The following NEK7 variants were observed in gnomAD, a reference collection of about 807,000 sequenced individuals.
The protein encoded by NEK7 is NIMA related kinase 7.
NEK7 carries 18 observed loss-of-function variants against 44.6 expected under a neutral mutation model. The ratio of observed to expected loss-of-function variants is 0.40; its 90% CI spans 0.28 to 0.60. The LOEUF (loss-of-function observed/expected upper bound fraction) is 0.60. Ranked by LOEUF, NEK7 falls within the 20% of genes least tolerant of loss-of-function variation. NEK7 has a pLI of 0.38. For missense variants in NEK7, 256 were observed against 366.5 expected, an observed-to-expected ratio of 0.70 and a Z score of 2.46; for synonymous variants, 130 against 121.1, an observed-to-expected ratio of 1.07 and a Z score of -0.48.
intron 9 of NEK7, among the ~76,000 whole-genome samples, chr1:198,315,396 C>T (rs993415397): frequency 1.3e-5 from 2 of 152,234 alleles, no homozygotes; most frequent in African/African-American, 2.4e-5. Context: ...CACCCGTCTT[C>T]TGCGTCGCTT....
chr1:198,244,006 G>T (rs1666762803), intron 2 of NEK7, among the ~76,000 whole-genome samples: 1 of 151,926 alleles, frequency 6.6e-6, no homozygotes, highest in Non-Finnish European at 1.5e-5. Context: ...TTGTAGGTGG[G>T]TAACACCTTT....
At chr1:198,289,225 A>G (rs919951025) in intron 7 of NEK7, among the ~76,000 whole-genome samples, 1 of 152,082 alleles carries the variant, frequency 6.6e-6, no homozygotes, top group East Asian at 1.9e-4. Flanking sequence ...CCAGCAAGGA[A>G]TATTCAAAGC....
At chr1:198,226,535 A>G (rs1666230846) in intron 1 of NEK7, among the ~76,000 whole-genome samples, 1 of 151,062 alleles carries the variant, frequency 6.6e-6, no homozygotes, top group African/African-American at 2.4e-5. Flanking sequence ...ACACAGCGAT[A>G]TTGCGTCTCA....
At chr1:198,206,415 G>A (rs1276203533) in intron 1 of NEK7, among the ~76,000 whole-genome samples, 1 of 152,084 alleles carries the variant, frequency 6.6e-6, no homozygotes, top group Admixed American at 6.6e-5. Flanking sequence ...AACTGTTAAC[G>A]TATCAATATG....
intron 1 of NEK7, chr1:198,207,221 G>C (rs188804603): frequency 5.9e-5 from 9 of 152,050 alleles, no homozygotes; most frequent in Admixed American, 1.3e-4. Context: ...AGACCACAAA[G>C]AAGGTATGTG....
At chr1:198,221,671 T>A (rs1004988144) in intron 1 of NEK7, among the ~76,000 whole-genome samples, 3 of 151,908 alleles carry the variant, frequency 2.0e-5, no homozygotes, top group Non-Finnish European at 2.9e-5. Context: ...GCACTGAAGA[T>A]GTCTACAGAT....
At chr1:198,164,783 A>G (rs1324724598) in intron 1 of NEK7, among the ~76,000 whole-genome samples, 1 of 152,176 alleles carries the variant, frequency 6.6e-6, no homozygotes, top group Non-Finnish European at 1.5e-5. Context: ...TTAAAAGTAG[A>G]CAACCATAAA....
chr1:198,267,274 CTCAT>C (rs61574788), intron 5 of NEK7, among the ~76,000 whole-genome samples: 3,288 of 151,450 alleles, frequency 0.022, 55 homozygotes, highest in Non-Finnish European at 0.032. Flanking sequence ...ACACCTGTTC[CTCAT>C]TCATTCATTC....
chr1:198,232,254 T>C (rs375830035), intron 1 of NEK7, among the ~76,000 whole-genome samples: 1 of 152,098 alleles, frequency 6.6e-6, no homozygotes, highest in Non-Finnish European at 1.5e-5. Context: ...AGTGGCAGGG[T>C]AGAGGAAAGT....
intron 1 of NEK7, among the ~76,000 whole-genome samples, chr1:198,220,006 C>T (rs1282256293): frequency 2.0e-5 from 3 of 151,666 alleles, no homozygotes; most frequent in African/African-American, 7.3e-5. Flanking sequence ...ATGATTCTTG[C>T]CTGAATCAGT....
intron 7 of NEK7, among the ~76,000 whole-genome samples, chr1:198,284,949 G>T (rs1231682476): frequency 6.6e-6 from 1 of 152,000 alleles, no homozygotes; most frequent in South Asian, 2.1e-4. Context: ...TTTAAAGCAC[G>T]TTTTCTCCTC....
intron 5 of NEK7, 186 bp from the exon 6 acceptor site, chr1:198,277,775 G>A: frequency 1.9e-6 from 1 of 528,894 alleles, no homozygotes; most frequent in Non-Finnish European, 3.4e-6. Flanking sequence ...GTTATAATAG[G>A]AAAAAAACTT....
intron 1 of NEK7, among the ~76,000 whole-genome samples, chr1:198,188,084 T>G (rs1030969535): frequency 1.3e-5 from 2 of 152,328 alleles, no homozygotes; most frequent in African/African-American, 4.8e-5. Context: ...CATCTGTGTT[T>G]GCTTAGGGAA....
At chr1:198,281,730 A>G (rs1271199656) in intron 7 of NEK7, among the ~76,000 whole-genome samples, 3 of 152,120 alleles carry the variant, frequency 2.0e-5, no homozygotes, top group African/African-American at 7.2e-5. Context: ...GTGCACTTCC[A>G]AAACTATTTT....
At chr1:198,227,035 C>G (rs1480057487) in intron 1 of NEK7, among the ~76,000 whole-genome samples, 1 of 151,968 alleles carries the variant, frequency 6.6e-6, no homozygotes, top group Non-Finnish European at 1.5e-5. Context: ...CACCCCACAA[C>G]AGGCCCCAGT....
rs1654739666 is a variant in NEK7 at position 198,297,204 on chromosome 1, C to T, written c.762C>T (p.Asp254=). 1.2e-6 allele frequency: 2 copies of T among 1,613,482 alleles called. No homozygotes were observed. Among genetic ancestry groups the T allele is most frequent in the Admixed American group, 1.7e-5 (1 of 59,986 alleles). Residue 254 remains aspartate (D), a synonymous_variant, in exon 9 of 10, where the codon GAC becomes GAT. Transcript: ENST00000367385. The stretch of plus-strand genomic sequence containing the variant: ...TGTGTAAGAAGATAGAACAGTGTGA[C>T]TACCCACCTCTTCCTTCAGATCACT... ...YSLCKKIEQC[D]YPPLPSDHYS...
chr1:198,175,157 C>A (rs746847641), intron 1 of NEK7, among the ~76,000 whole-genome samples: 1 of 152,104 alleles, frequency 6.6e-6, no homozygotes, highest in Non-Finnish European at 1.5e-5. Context: ...ATGCATAGAA[C>A]AGTGTCTGTA....
chr1:198,251,158 T>C (rs536523742), intron 2 of NEK7, among the ~76,000 whole-genome samples: 1 of 152,012 alleles, frequency 6.6e-6, no homozygotes, highest in Non-Finnish European at 1.5e-5. Flanking sequence ...TTGTCTTTGG[T>C]TCTGTTTATA....
intron 2 of NEK7, among the ~76,000 whole-genome samples, chr1:198,236,888 T>G (rs891782538): frequency 1.3e-5 from 2 of 152,164 alleles, no homozygotes; most frequent in East Asian, 3.9e-4. Context: ...CGCTCCCTTT[T>G]ATAGCAAAGT....
Sources: allele counts gnomAD v4.1 joint callset (sites outside exome capture counted in the v4.1 genomes callset), GRCh38; gene constraint gnomAD v4.1.1; transcripts MANE v1.5; gene names NCBI Gene and HGNC (gene_info 2026-07-23, HGNC 2026-07-21).